Variants in CACHD1 observed in about 807,000 individuals in gnomAD.
The protein encoded by CACHD1 is VWFA and cache domain-containing protein 1.
In CACHD1, 71 loss-of-function variants were observed where a neutral mutation model predicts 138.7. The ratio of observed to expected loss-of-function variants is 0.51; its 90% confidence interval spans 0.42 to 0.62. The LOEUF is 0.62. Ranked by LOEUF, CACHD1 falls within the 20% of genes least tolerant of loss-of-function variation. CACHD1 has a pLI of 0.00. For missense variants in CACHD1, 1,389 were observed against 1,625.3 expected (o/e 0.85, Z 2.50); for synonymous variants, 578 against 591.5 (o/e 0.98, Z 0.33).
At chr1:64,502,929 C>T (rs1199188062) in intron 1 of CACHD1, among the ~76,000 whole-genome samples, 1 of 152,180 alleles carries the variant, frequency 6.6e-6, no homozygotes, top group Non-Finnish European at 1.5e-5. Context: ...GCATTGATCT[C>T]CCTGTATTCC....
chr1:64,591,690 A>T (rs1647107836), intron 3 of CACHD1, among the ~76,000 whole-genome samples: 1 of 152,190 alleles, frequency 6.6e-6, no homozygotes, highest in South Asian at 2.1e-4. Context: ...TAACAACTAG[A>T]AGTAACTAGA....
chr1:64,606,130 C>T (rs1021096043), intron 4 of CACHD1, among the ~76,000 whole-genome samples: 2 of 149,660 alleles, frequency 1.3e-5, no homozygotes, highest in African/African-American at 2.5e-5. Flanking sequence ...CACACACACA[C>T]GCACACACAC....
intron 4 of CACHD1, among the ~76,000 whole-genome samples, chr1:64,624,125 C>T (rs910985938): frequency 6.6e-6 from 1 of 152,228 alleles, no homozygotes; most frequent in Admixed American, 6.5e-5. Flanking sequence ...TCTGGGCCCA[C>T]GGGGCCTCAT....
rs199656192 is a variant in CACHD1 at position 64,617,165 on chromosome 1, A to AC, written c.518-12190_518-12189insC. ...AAAAAACAAAACAAAACAAAACAAA[A>AC]AAAAAAACCAGCAAAACTATTGTTC... On this transcript the variant is annotated intron_variant, in intron 4 of 26. Transcript: ENST00000651257. Among the ~76,000 whole-genome samples the AC allele has an allele frequency of 7.2e-4, 109 of 151,948 alleles. 2 individuals are homozygous for AC. Among genetic ancestry groups the AC allele is most frequent in the East Asian group, 6.6e-3 (34 of 5,178 alleles).
chr1:64,582,472 G>T (rs1457083548), intron 3 of CACHD1, among the ~76,000 whole-genome samples, 168 bp downstream of exon 3: 3 of 152,106 alleles, frequency 2.0e-5, no homozygotes, highest in Admixed American at 2.0e-4. Context: ...TAAAGAAAAT[G>T]TGATTCAGTG....
intron 21 of CACHD1, among the ~76,000 whole-genome samples, chr1:64,676,257 T>C (rs1570474813): frequency 1.3e-5 from 2 of 152,188 alleles, no homozygotes; most frequent in African/African-American, 4.8e-5. Context: ...TTCAAGCATT[T>C]ACTAAGTGTC....
At chr1:64,538,330 A>G (rs1306710076) in intron 1 of CACHD1, among the ~76,000 whole-genome samples, 8 of 151,916 alleles carry the variant, frequency 5.3e-5, no homozygotes, top group Admixed American at 3.3e-4. Context: ...GTATTTGGGT[A>G]CTCCCCCCTG....
chr1:64,576,295 A>G (rs1200905220), intron 2 of CACHD1, among the ~76,000 whole-genome samples: 1 of 152,176 alleles, frequency 6.6e-6, no homozygotes, highest in African/African-American at 2.4e-5. Context: ...TTCTGTCTGC[A>G]GGGATCATGG....
At chr1:64,669,775 A>C (rs1649755762) in intron 16 of CACHD1, among the ~76,000 whole-genome samples, 1 of 152,100 alleles carries the variant, frequency 6.6e-6, no homozygotes, top group Admixed American at 6.5e-5. Context: ...TATGAATCCT[A>C]GATTTATGTA....
intron 2 of CACHD1, among the ~76,000 whole-genome samples, chr1:64,572,199 G>A (rs1369489289): frequency 6.6e-6 from 1 of 152,092 alleles, no homozygotes; most frequent in African/African-American, 2.4e-5. Flanking sequence ...TTATTCTGTG[G>A]CTCCTGCTCT....
intron 2 of CACHD1, chr1:64,563,881 A>G (rs761240027): frequency 1.6e-4 from 24 of 151,546 alleles, no homozygotes; most frequent in Non-Finnish European, 2.9e-4. Flanking sequence ...AATTTTATCT[A>G]TAAAATGTAG....
rs115170520 is a variant in CACHD1 at position 64,581,791 on chromosome 1, C to G, written c.262-365C>G. Among the ~76,000 whole-genome samples the G allele has an allele frequency of 5.4e-3, 829 of 152,322 alleles. 4 individuals are homozygous for G. The highest frequency in any genetic ancestry group is 0.019 in the African/African-American group (798 of 41,580). ...GATAATGTCTCTCCTCTTTATTCTC[C>G]CAGTCATTGTCGTTGCTCTGTAACA... On this transcript the variant is annotated intron_variant, in intron 2 of 26. Transcript: ENST00000651257.
chr1:64,531,171 CTTAT>C (rs908404178), intron 1 of CACHD1, among the ~76,000 whole-genome samples: 1 of 152,118 alleles, frequency 6.6e-6, no homozygotes, highest in African/African-American at 2.4e-5. Flanking sequence ...GAAAAGCATT[CTTAT>C]TTCCTGCCTG....
chr1:64,636,298 T>C (rs534126678), intron 7 of CACHD1, among the ~76,000 whole-genome samples: 1 of 152,316 alleles, frequency 6.6e-6, no homozygotes, highest in African/African-American at 2.4e-5. Flanking sequence ...CTACTGTAAT[T>C]ATAACTAATG....
At chr1:64,688,654 C>T (rs1441279616) in intron 26 of CACHD1, among the ~76,000 whole-genome samples, 3 of 152,142 alleles carry the variant, frequency 2.0e-5, no homozygotes, top group African/African-American at 4.8e-5. Context: ...TCTGTCCAGC[C>T]TCCCCATTGC....
chr1:64,628,545 A>G (rs1299376663), intron 4 of CACHD1, among the ~76,000 whole-genome samples: 1 of 152,166 alleles, frequency 6.6e-6, no homozygotes, highest in Admixed American at 6.6e-5. Flanking sequence ...ATTGCACACA[A>G]CAAGGTGGTT....
At chr1:64,638,155 C>T (rs1039478966) in intron 7 of CACHD1, among the ~76,000 whole-genome samples, 1 of 152,290 alleles carries the variant, frequency 6.6e-6, no homozygotes, top group East Asian at 1.9e-4. Context: ...TGGCCAAGGC[C>T]TAGGCAACAG....
chr1:64,584,057 C>G (rs2100542415), intron 3 of CACHD1, among the ~76,000 whole-genome samples: 1 of 152,164 alleles, frequency 6.6e-6, no homozygotes, highest in Non-Finnish European at 1.5e-5. Flanking sequence ...AAATGAGGGT[C>G]CAGTTGGGTT....
intron 12 of CACHD1, among the ~76,000 whole-genome samples, chr1:64,657,105 G>A (rs924382151): frequency 2.0e-5 from 3 of 152,092 alleles, no homozygotes; most frequent in Non-Finnish European, 4.4e-5. Context: ...TAGCACTTTA[G>A]GAGGCTGTTT....
Sources: gnomAD v4.1 joint callset for allele counts (sites outside exome capture counted in the v4.1 genomes callset) on GRCh38, gnomAD v4.1.1 for gene constraint, MANE v1.5 for transcripts, NCBI Gene and HGNC (gene_info 2026-07-23, HGNC 2026-07-21) for gene names.